Variants in RADIL observed in about 807,000 individuals in gnomAD.
The protein encoded by RADIL is Rap associating with DIL domain, also known as ras-associating and dilute domain-containing protein.
Under a neutral mutation model 97.6 loss-of-function variants are expected in RADIL, and 99 were observed. The observed-to-expected ratio is 1.01, with a 90% CI of 0.86 to 1.20. RADIL has a LOEUF of 1.20. Ranked by LOEUF, RADIL falls within the 50% of genes most tolerant of loss-of-function variation. RADIL has a pLI of 0.00. For missense variants in RADIL, 1,765 were observed against 1,498.9 expected (o/e 1.18, Z -2.93); for synonymous variants, 803 against 691.8 (o/e 1.16, Z -2.52).
rs1256221512 is a variant in RADIL, at chr7:4,835,806, C to A, written c.783+552G>T. On this transcript the variant is annotated intron_variant, in intron 3 of 14. Coordinates refer to ENST00000399583, the MANE Select transcript of RADIL (RefSeq NM_018059.5). The surrounding 1 kb of genome is among the most constrained non-coding windows in gnomAD (Gnocchi z 5.8). ...GGGGGCGGGGAAAACAGTTGTCTGGCAGGGCAAGTGTCCGGCAAGGTGAGG... is the reference window on the plus strand; with the variant it reads ...GGGGGCGGGGAAAACAGTTGTCTGGAAGGGCAAGTGTCCGGCAAGGTGAGG... Among the ~76,000 whole-genome samples, 1 of 152,220 alleles carries A rather than the reference C, an allele frequency of 6.6e-6. No individual in the cohort carries two copies. The highest frequency in any genetic ancestry group is 1.5e-5 in the Non-Finnish European group (1 of 68,028).
rs200934454 is a variant in RADIL, at chr7:4,801,671, G to A, written c.2824C>T (p.Arg942Trp). Residue 942 changes from arginine (R) to tryptophan (W), a missense_variant, in exon 12 of 15, where the codon CGG becomes TGG. Physicochemically the swap from Arg to Trp is moderately radical, Grantham distance 101. Coordinates refer to ENST00000399583, the MANE Select transcript of RADIL (RefSeq NM_018059.5). ...ERQRNGLSGL[R>W]GAAPEGDSAA... ...GGCTCACCTTCCGGAGCTGCACCCCGGAGGCCGCTGAGTCCGTTCCTCTGC... is the reference window on the plus strand; with the variant it reads ...GGCTCACCTTCCGGAGCTGCACCCCAGAGGCCGCTGAGTCCGTTCCTCTGC... The A allele has an allele frequency of 9.4e-4, 1,500 of 1,601,964 alleles. 5 individuals carry two copies. The highest frequency in any genetic ancestry group is 1.5e-3 in the African/African-American group (113 of 74,778).
rs977686031 is a variant in RADIL, at chr7:4,821,218, C to T, written c.1615+1176G>A. Reference sequence around the variant, plus strand: ...CTCCAGAAGCCAGACCGCCACGCCACGGCCACTCAGGACCCTCTGGCACTG... The same window carrying T: ...CTCCAGAAGCCAGACCGCCACGCCATGGCCACTCAGGACCCTCTGGCACTG... On this transcript the variant is annotated intron_variant, in intron 6 of 14. Coordinates refer to ENST00000399583, the MANE Select transcript of RADIL (RefSeq NM_018059.5). This position sits in a 1 kb window ranked among gnomAD's most constrained non-coding sequence, Gnocchi z 5.2. 2.0e-5 allele frequency among the ~76,000 whole-genome samples: 3 copies of T among 152,220 alleles called. No homozygotes were observed. Among genetic ancestry groups the T allele is most frequent in the Non-Finnish European group, 2.9e-5 (2 of 68,036 alleles).
intron 11 of RADIL, among the ~76,000 whole-genome samples, chr7:4,802,665 G>A (rs1192126119): frequency 9.1e-6 from 1 of 110,370 alleles, no homozygotes; most frequent in South Asian, 3.1e-4. Context: ...CTCTGGCTGG[G>A]GGGCCCCCTC....
At chr7:4,805,182 T>G in intron 10 of RADIL, 1 of 234,790 alleles carries the variant, frequency 4.3e-6, no homozygotes, top group East Asian at 8.0e-5. Flanking sequence ...CATGTGTGTG[T>G]GCGTGTGCAC....
chr7:4,831,734 A>T (rs538422432), intron 5 of RADIL, among the ~76,000 whole-genome samples: 1 of 151,598 alleles, frequency 6.6e-6, no homozygotes, highest in South Asian at 2.1e-4. Flanking sequence ...ACAAAAAAAA[A>T]AAAATTAGCC....
At position 4,817,469 on chromosome 7, in the gene RADIL, G is replaced by C; in HGVS notation, c.1616-118C>G. The C allele has an allele frequency of 1.2e-6, 1 of 801,234 alleles. No homozygotes were observed. Among genetic ancestry groups the C allele is most frequent in the Non-Finnish European group, 1.9e-6 (1 of 514,060 alleles). 49.6% of individuals were successfully genotyped at this position (801,234 alleles called of 1,614,324 possible). On this transcript the variant is annotated intron_variant, in intron 6 of 14. Transcript: ENST00000399583. This position sits in a 1 kb window ranked among gnomAD's most constrained non-coding sequence, Gnocchi z 8.3. ...GCACCACCCAACGCGCCCATCTGGG[G>C]TCCAGATGCGATAAACTGGCCGAGG... is the stretch of plus-strand genomic sequence containing the variant.
rs755762743 is a variant in RADIL, at chr7:4,822,389, C to T, written c.1615+5G>A. ...GGGGGGAATGGAGGGCAGCGCCAGC[C>T]GTACCTGTGATGTCCAGCTGCTCCT... On this transcript the variant is annotated splice_donor_5th_base_variant and intron_variant, in intron 6 of 14. Coordinates refer to ENST00000399583, the MANE Select transcript of RADIL (RefSeq NM_018059.5). This position sits in a 1 kb window ranked among gnomAD's most constrained non-coding sequence, Gnocchi z 5.3. The T allele has an allele frequency of 8.1e-6, 13 of 1,607,432 alleles. No homozygotes were observed. The Admixed American group carries it at 8.5e-5, about 10-fold the overall frequency.
In RADIL at chr7:4,873,621, AC is replaced by A. The variant is rs1784303613; in HGVS notation, c.535+3983del. 2.6e-5 allele frequency among the ~76,000 whole-genome samples: 4 copies of A among 151,682 alleles called. No homozygotes were observed. Among genetic ancestry groups the A allele is most frequent in the Admixed American group, 2.6e-4 (4 of 15,226 alleles). The stretch of plus-strand genomic sequence containing the variant: ...CCCGCCGTCCTTTTGAAACTACACC[AC>A]CCACTTCAGTAGGATTTGTTTCACT... On this transcript the variant is annotated intron_variant, in intron 2 of 14. Transcript: ENST00000399583. This position sits in a 1 kb window ranked among gnomAD's most constrained non-coding sequence, Gnocchi z 4.3.
intron 4 of RADIL, among the ~76,000 whole-genome samples, chr7:4,833,251 G>C (rs1369288670): frequency 6.6e-6 from 1 of 152,194 alleles, no homozygotes; most frequent in Admixed American, 6.5e-5. Context: ...GGGTGGTTGT[G>C]ATAAAGAAAT....
intron 11 of RADIL, among the ~76,000 whole-genome samples, chr7:4,802,283 C>T (rs1050389739): frequency 6.7e-5 from 10 of 149,666 alleles, no homozygotes; most frequent in South Asian, 4.2e-4. Flanking sequence ...CCTCGGGGCA[C>T]GCTGGCTGGG....
At chr7:4,864,810 C>G (rs902916751) in intron 2 of RADIL, among the ~76,000 whole-genome samples, 1 of 152,220 alleles carries the variant, frequency 6.6e-6, no homozygotes, top group Non-Finnish European at 1.5e-5. Context: ...CTCATTTCAA[C>G]TTCTACAACA....
At position 4,834,907 on chromosome 7, in the gene RADIL, G is replaced by C; in HGVS notation, c.1116C>G (p.Leu372=). 1 of 1,529,070 alleles carries C rather than the reference G, an allele frequency of 6.5e-7. No homozygotes were observed. The highest frequency in any genetic ancestry group is 8.8e-7 in the Non-Finnish European group (1 of 1,139,044). The allele number at this position is 1,529,070 out of a possible 1,614,324, so 94.7% of individuals were successfully genotyped here. A position where few individuals can be genotyped will look rare whatever the true frequency, so the allele number is the denominator to read the frequency against. The change falls in exon 4 of 15, where the codon CTC becomes CTG. Residue 372 remains leucine, a synonymous_variant. Transcript: ENST00000399583. The surrounding 1 kb of genome is among the most constrained non-coding windows in gnomAD (Gnocchi z 6.0). Reference sequence around the variant, plus strand: ...GCCGGCAGCTCTGCGGCACAGCCCGGAGGCGCGCCAAGGCCCGGGCGGGCA... The same window carrying C: ...GCCGGCAGCTCTGCGGCACAGCCCGCAGGCGCGCCAAGGCCCGGGCGGGCA... ...QPLPARALAR[L]RAVPQSCRLC...
intron 9 of RADIL, chr7:4,809,557 C>G (rs1330649409): frequency 1.0e-5 from 10 of 985,374 alleles, no homozygotes; most frequent in Non-Finnish European, 1.2e-5. Flanking sequence ...CCCGCCCAGG[C>G]ACCACGGCAG....
rs564262596 is a variant in RADIL at position 4,872,396 on chromosome 7, G to A, written c.535+5209C>T. Among the ~76,000 whole-genome samples, 6 of 152,272 alleles carry A rather than the reference G, an allele frequency of 3.9e-5. No homozygotes were observed. Among genetic ancestry groups the A allele is most frequent in the South Asian group, 2.1e-4 (1 of 4,824 alleles). On this transcript the variant is annotated intron_variant, in intron 2 of 14. Transcript: ENST00000399583. The surrounding 1 kb of genome is among the most constrained non-coding windows in gnomAD (Gnocchi z 5.8). The stretch of plus-strand genomic sequence containing the variant: ...AAAGCAAGGAAGGCCAGCCCTCCCC[G>A]GGCTCTGCGCGGGTTTAACACTTAC...
At chr7:4,865,960 G>A (rs1315867817) in intron 2 of RADIL, among the ~76,000 whole-genome samples, 1 of 152,188 alleles carries the variant, frequency 6.6e-6, no homozygotes, top group African/African-American at 2.4e-5. Flanking sequence ...AATAGGCTAT[G>A]CCATATAACC....
intron 5 of RADIL, among the ~76,000 whole-genome samples, chr7:4,826,120 A>T (rs1481886924): frequency 6.6e-6 from 1 of 151,264 alleles, no homozygotes; most frequent in Non-Finnish European, 1.5e-5. Flanking sequence ...AGGCAGGGGG[A>T]TCACTTGAGC....
In RADIL at chr7:4,799,305, G is replaced by C; in HGVS notation, c.*73C>G. 8 of 1,481,468 alleles carry C rather than the reference G, an allele frequency of 5.4e-6. No homozygotes were observed. Among genetic ancestry groups the C allele is most frequent in the Non-Finnish European group, 7.5e-6 (8 of 1,067,032 alleles). 91.8% of individuals were successfully genotyped at this position (1,481,468 alleles called of 1,614,324 possible). ...ACTTGGTCAGTTACAAAACAGGGAC[G>C]AAGGCGGGAGGAAGCCCAGTGTCAC... On this transcript the variant is annotated 3_prime_UTR_variant, in exon 15 of 15. Coordinates refer to ENST00000399583, the MANE Select transcript of RADIL (RefSeq NM_018059.5).
rs995186964 is a variant in RADIL at position 4,834,964 on chromosome 7, C to G, written c.1059G>C (p.Leu353=). The change falls in exon 4 of 15, where the codon CTG becomes CTC. Residue 353 remains leucine (L), a synonymous_variant. Transcript: ENST00000399583. This position sits in a 1 kb window ranked among gnomAD's most constrained non-coding sequence, Gnocchi z 6.0. ...DLLSLGLYYL[L]LFKDPAQAQP... is the part of the protein sequence containing the mutation. ...GGGCCTGCGCGGGGTCCTTGAATAG[C>G]AGCAGGTAGTAGAGCCCCAGGGAGA... The G allele has an allele frequency of 6.2e-7, 1 of 1,608,900 alleles. No individual in the cohort carries two copies. Among genetic ancestry groups the G allele is most frequent in the Admixed American group, 1.7e-5 (1 of 59,676 alleles).
At chr7:4,830,387 GT>G (rs1783106265) in intron 5 of RADIL, among the ~76,000 whole-genome samples, 1 of 151,976 alleles carries the variant, frequency 6.6e-6, no homozygotes, top group South Asian at 2.1e-4. Flanking sequence ...CAACCGAATG[GT>G]TTCCCAAGTG....
Sources: allele counts gnomAD v4.1 joint callset (sites outside exome capture counted in the v4.1 genomes callset), GRCh38; gene constraint gnomAD v4.1.1; non-coding constraint Gnocchi (gnomAD v3.1); transcripts MANE v1.5; gene names NCBI Gene and HGNC (gene_info 2026-07-23, HGNC 2026-07-21).